TNKS: variants seen among roughly 807,000 people sequenced by gnomAD.
The protein encoded by TNKS is tankyrase.
Under a neutral mutation model 135.8 loss-of-function variants are expected in TNKS, and 72 were observed. The observed-to-expected ratio is 0.53, with a 90% CI of 0.44 to 0.64. The LOEUF (loss-of-function observed/expected upper bound fraction) is 0.64, where lower values mean the gene tolerates loss of function less well. Among genes scored for constraint, TNKS ranks in the 30% least tolerant of loss-of-function variants. TNKS has a pLI of 0.00. For missense variants in TNKS, 1,769 were observed against 1,674.0 expected (o/e 1.06, Z -0.99); for synonymous variants, 849 against 649.3 (o/e 1.31, Z -4.68).
At chr8:9,662,836 A>C (rs1278584892) in intron 3 of TNKS, among the ~76,000 whole-genome samples, 1 of 152,222 alleles carries the variant, frequency 6.6e-6, no homozygotes, top group African/African-American at 2.4e-5. Flanking sequence ...AAAAATCCTC[A>C]ATCTGCCATT....
intron 12 of TNKS, among the ~76,000 whole-genome samples, chr8:9,724,012 AACT>A (rs1805035962): frequency 6.6e-6 from 1 of 152,222 alleles, no homozygotes; most frequent in Non-Finnish European, 1.5e-5. Context: ...ATATTGATCA[AACT>A]ACTAAGTCTA....
chr8:9,581,426 C>G (rs1028913992), intron 2 of TNKS, among the ~76,000 whole-genome samples: 1 of 152,192 alleles, frequency 6.6e-6, no homozygotes, highest in African/African-American at 2.4e-5. Flanking sequence ...AACTGACTCT[C>G]CCATTTCCTC....
intron 11 of TNKS, among the ~76,000 whole-genome samples, chr8:9,714,675 G>T (rs1461556858): frequency 6.6e-6 from 1 of 152,184 alleles, no homozygotes; most frequent in Non-Finnish European, 1.5e-5. Flanking sequence ...GAAGAAGGAA[G>T]AGGAAGATAA....
chr8:9,662,486 A>G (rs993483197), intron 3 of TNKS, among the ~76,000 whole-genome samples: 3 of 152,184 alleles, frequency 2.0e-5, no homozygotes, highest in Non-Finnish European at 2.9e-5. Flanking sequence ...TCAGCAAACT[A>G]TCGCAAGGAC....
intron 25 of TNKS, among the ~76,000 whole-genome samples, chr8:9,769,364 A>G (rs1005842727): frequency 2.0e-5 from 3 of 152,184 alleles, no homozygotes; most frequent in Admixed American, 6.5e-5. Context: ...TTTCACCCAG[A>G]CTATTATGAT....
At position 9,665,273 on chromosome 8, in the gene TNKS, A is replaced by G. The variant is rs184703043; in HGVS notation, c.995-14678A>G. ...TGGAGTCAGTTTTTAGTCTTTCTTC[A>G]CTTACATATTTGAACAGTTGACTGT... is the stretch of plus-strand genomic sequence containing the variant. On this transcript the variant is annotated intron_variant, in intron 3 of 26. Coordinates refer to ENST00000310430, the MANE Select transcript of TNKS (RefSeq NM_003747.3). Among the ~76,000 whole-genome samples the G allele has an allele frequency of 3.9e-5, 6 of 152,240 alleles. No individual in the cohort carries two copies. The East Asian group carries it at 1.2e-3, about 29-fold the overall frequency.
intron 2 of TNKS, among the ~76,000 whole-genome samples, chr8:9,610,180 G>C (rs5018411): frequency 0.29 from 43,688 of 151,830 alleles, 6,564 homozygotes; most frequent in East Asian, 0.38. Context: ...GTTACTGTTA[G>C]TGGTAAATCA....
chr8:9,638,400 A>T (rs907995993), intron 3 of TNKS, among the ~76,000 whole-genome samples: 1 of 152,228 alleles, frequency 6.6e-6, no homozygotes, highest in East Asian at 1.9e-4. Flanking sequence ...TGCTACTTTG[A>T]ATTATGGCTG....
chr8:9,710,443 G>A, intron 11 of TNKS: 1 of 584,040 alleles, frequency 1.7e-6, no homozygotes. Flanking sequence ...CTTCTGTAAA[G>A]CAACAAAATA....
chr8:9,742,037 G>T (rs778226500), intron 17 of TNKS, among the ~76,000 whole-genome samples: 10 of 152,058 alleles, frequency 6.6e-5, no homozygotes, highest in African/African-American at 2.2e-4. Flanking sequence ...ACTTACTGAG[G>T]TGAGAATGAT....
chr8:9,684,366 T>G (rs1802901181), intron 5 of TNKS, among the ~76,000 whole-genome samples: 1 of 152,106 alleles, frequency 6.6e-6, no homozygotes, highest in African/African-American at 2.4e-5. Flanking sequence ...TTAATTTTCG[T>G]AAGGATACCT....
chr8:9,666,864 G>A (rs1802022190), intron 3 of TNKS, among the ~76,000 whole-genome samples: 1 of 152,234 alleles, frequency 6.6e-6, no homozygotes, highest in East Asian at 1.9e-4. Context: ...GCCCTGAATT[G>A]TCAAGAAGAG....
rs772190321 is a variant in TNKS at position 9,751,615 on chromosome 8, G to A, written c.2839G>A (p.Asp947Asn). 6.8e-6 allele frequency: 11 copies of A among 1,611,226 alleles called. No homozygotes were observed. The highest frequency in any genetic ancestry group is 1.7e-5 in the Admixed American group (1 of 59,618). Residue 947 changes from aspartate to asparagine, a missense_variant, in exon 19 of 27, where the codon GAT (aspartate) becomes AAT (asparagine). Around this residue, in one of 5 missense-constraint regions of TNKS, gnomAD observed 722 missense variants for 688.9 expected, o/e 1.05. Coordinates refer to ENST00000310430, the MANE Select transcript of TNKS (RefSeq NM_003747.3). ...TTTTTAATCATTTTTTTAGGCTGAC[G>A]ATATCAGAGCTTTGCTGATAGATGC... The part of the protein sequence containing the change: ...QTPLDLATAD[D>N]IRALLIDAMP...
chr8:9,762,952 A>ATTT (rs778682520), intron 21 of TNKS, among the ~76,000 whole-genome samples, 195 bp from the exon 22 acceptor site: 2 of 150,362 alleles, frequency 1.3e-5, no homozygotes, highest in East Asian at 3.9e-4. Context: ...AAACATCTTC[A>ATTT]TTTTTTTCTC....
intron 3 of TNKS, among the ~76,000 whole-genome samples, chr8:9,668,143 C>G (rs150034314): frequency 1.3e-5 from 2 of 152,172 alleles, no homozygotes; most frequent in Non-Finnish European, 2.9e-5. Flanking sequence ...AAAAATCATT[C>G]GGAATCATTT....
At chr8:9,677,841 A>G (rs940877962) in intron 3 of TNKS, among the ~76,000 whole-genome samples, 3 of 152,108 alleles carry the variant, frequency 2.0e-5, no homozygotes, top group Non-Finnish European at 2.9e-5. Context: ...CTTCAGATAC[A>G]CAGAGCTACT....
chr8:9,761,467 T>C, intron 20 of TNKS, 49 bp from the exon 21 acceptor site: 1 of 1,592,270 alleles, frequency 6.3e-7, no homozygotes, highest in South Asian at 1.1e-5. Context: ...GCTTTTGTCC[T>C]CTTAAGAACT....
At chr8:9,604,274 G>A (rs759165616) in intron 2 of TNKS, among the ~76,000 whole-genome samples, 6 of 151,926 alleles carry the variant, frequency 3.9e-5, no homozygotes, top group African/African-American at 1.2e-4. Context: ...ATATACTACT[G>A]TATGTACAAA....
At position 9,771,489 on chromosome 8, in the gene TNKS, G is replaced by C. The variant is rs190524222; in HGVS notation, c.3897+1227G>C. Among the ~76,000 whole-genome samples the C allele has an allele frequency of 2.7e-3, 382 of 141,004 alleles. 5 individuals carry two copies. The highest frequency in any genetic ancestry group is 9.5e-3 in the African/African-American group (355 of 37,546). The allele number at this position is 141,004 out of a possible 152,430, so 92.5% of individuals were successfully genotyped here. A position where few individuals can be genotyped will look rare whatever the true frequency, so the allele number is the denominator to read the frequency against. On this transcript the variant is annotated intron_variant, in intron 26 of 26. Coordinates refer to ENST00000310430, the MANE Select transcript of TNKS (RefSeq NM_003747.3). The stretch of plus-strand genomic sequence containing the variant: ...AGGGAGAGAAGAAGGAAGGGGGAAA[G>C]AGATAAAGGGAAGGAAAGAACGGGA...
Sources: allele counts gnomAD v4.1 joint callset (sites outside exome capture counted in the v4.1 genomes callset), GRCh38; gene constraint gnomAD v4.1.1; regional missense constraint gnomAD v4.1.1; transcripts MANE v1.5; gene names NCBI Gene and HGNC (gene_info 2026-07-23, HGNC 2026-07-21).